The following RPS6KA3 variants were observed in gnomAD, a reference collection of about 807,000 sequenced individuals.
RPS6KA3 encodes the protein ribosomal protein S6 kinase A3.
RPS6KA3 carries 4 observed loss-of-function variants against 67.2 expected under a neutral mutation model. The observed-to-expected ratio is 0.06, with a 90% CI of 0.03 to 0.14. RPS6KA3 has a LOEUF of 0.14. RPS6KA3 is among the 10% of genes least tolerant of loss of function. RPS6KA3 has a pLI of 1.00. For synonymous variants in RPS6KA3, 182 were observed against 183.7 expected (o/e 0.99, Z 0.07); for missense variants, 204 against 559.0 (o/e 0.36, Z 6.40).
At chrX:20,221,171 C>A (rs1478434506) in intron 2 of RPS6KA3, among the ~76,000 whole-genome samples, 4 of 111,318 alleles carry the variant, frequency 3.6e-5, no homozygotes, top group African/African-American at 6.5e-5. Flanking sequence ...AGATTAATAC[C>A]AAATATCACA....
At chrX:20,243,261 C>A (rs991022286) in intron 1 of RPS6KA3, among the ~76,000 whole-genome samples, 3 of 111,361 alleles carry the variant, frequency 2.7e-5, no homozygotes. Context: ...TGCTTCTTAA[C>A]CACTCTGTGA....
chrX:20,266,364 AAGG>A (rs1371919800), intron 1 of RPS6KA3, among the ~76,000 whole-genome samples, 197 bp downstream of exon 1: 1 of 111,413 alleles, frequency 9.0e-6, no homozygotes, highest in African/African-American at 3.3e-5. Flanking sequence ...CGAGCGAGGG[AAGG>A]AGGTGAGGGT....
At chrX:20,238,436 A>G (rs1396352051) in intron 1 of RPS6KA3, among the ~76,000 whole-genome samples, 3 of 111,267 alleles carry the variant, frequency 2.7e-5, no homozygotes, top group Non-Finnish European at 5.7e-5. Flanking sequence ...CTTTATTTAA[A>G]ATTTTTGATT....
chrX:20,234,863 A>C, intron 1 of RPS6KA3, 49 bp from the exon 2 acceptor site: 1 of 972,884 alleles, frequency 1.0e-6, no homozygotes, highest in Non-Finnish European at 1.5e-6. Flanking sequence ...ACCTCACATC[A>C]GTTAAAGTTA....
intron 10 of RPS6KA3, among the ~76,000 whole-genome samples, chrX:20,185,102 T>C (rs1053984417): frequency 7.2e-5 from 8 of 110,970 alleles, no homozygotes; most frequent in Non-Finnish European, 1.5e-4. Context: ...CCTGCTACCA[T>C]GCCCGAATAA....
At chrX:20,208,273 G>C (rs1490743585) in intron 3 of RPS6KA3, among the ~76,000 whole-genome samples, 1 of 110,478 alleles carries the variant, frequency 9.1e-6, no homozygotes, top group Non-Finnish European at 1.9e-5. Flanking sequence ...ATGCTCACCC[G>C]GGGGTTGGGG....
chrX:20,200,985 A>T (rs1490181670), intron 4 of RPS6KA3, among the ~76,000 whole-genome samples: 1 of 110,501 alleles, frequency 9.0e-6, no homozygotes. Context: ...GCCTGGTCAC[A>T]ATTCCTCTAG....
chrX:20,216,689 A>C (rs1016116685), intron 2 of RPS6KA3, among the ~76,000 whole-genome samples: 1 of 110,802 alleles, frequency 9.0e-6, no homozygotes, highest in Admixed American at 9.6e-5. Context: ...CCTGGGGGAA[A>C]AGCATTCCTG....
At chrX:20,213,744 AG>A (rs1485338089) in intron 2 of RPS6KA3, among the ~76,000 whole-genome samples, 1 of 110,558 alleles carries the variant, frequency 9.0e-6, no homozygotes, top group Admixed American at 9.6e-5. Context: ...GAAAAAAAAA[AG>A]AAAATTAACA....
intron 9 of RPS6KA3, 140 bp from the exon 10 acceptor site, chrX:20,186,506 T>A (rs1246486481): frequency 4.5e-6 from 2 of 448,453 alleles, no homozygotes; most frequent in Admixed American, 7.5e-5. Context: ...TTTCTATTTC[T>A]ACCATATTCG....
intron 17 of RPS6KA3, 91 bp from the exon 18 acceptor site, chrX:20,165,151 A>T: frequency 2.9e-6 from 2 of 679,723 alleles, no homozygotes; most frequent in African/African-American, 2.1e-5. Context: ...AATGCACTTA[A>T]CAAGATGATG....
intron 2 of RPS6KA3, chrX:20,218,775 A>G: frequency 9.5e-7 from 1 of 1,048,720 alleles, no homozygotes; most frequent in South Asian, 2.0e-5. Context: ...ATTTTATTCT[A>G]TAAAAGAAGC....
intron 1 of RPS6KA3, among the ~76,000 whole-genome samples, chrX:20,253,754 A>G (rs1337510280): frequency 8.9e-6 from 1 of 111,874 alleles, no homozygotes; most frequent in Admixed American, 9.5e-5. Flanking sequence ...ATCCAATTAC[A>G]TCTGCTTATA....
At chrX:20,253,720 A>G (rs2069952232) in intron 1 of RPS6KA3, among the ~76,000 whole-genome samples, 1 of 111,858 alleles carries the variant, frequency 8.9e-6, no homozygotes, top group Non-Finnish European at 1.9e-5. Context: ...CTGTAACATT[A>G]TAGGTCATAA....
rs1249694721 is a variant in RPS6KA3, at chrX:20,193,471, T to C, written c.593+16A>G. The C allele has an allele frequency of 4.4e-5, 41 of 924,095 alleles. No individual in the cohort carries two copies. The highest frequency in any genetic ancestry group is 5.8e-5 in the Non-Finnish European group (37 of 635,449). The allele number at this position is 924,095 out of a possible 1,213,427, so 76.2% of individuals were successfully genotyped here. A position where few individuals can be genotyped will look rare whatever the true frequency, so the allele number is the denominator to read the frequency against. On this transcript the variant is annotated intron_variant, in intron 7 of 21. Transcript: ENST00000379565. ...TCATATTACATTGTATTCAACTTAG[T>C]AGCATGATTCCTTACTTTTCTGGTT...
chrX:20,262,386 A>G (rs2070256570), intron 1 of RPS6KA3, among the ~76,000 whole-genome samples: 1 of 112,150 alleles, frequency 8.9e-6, no homozygotes, highest in Non-Finnish European at 1.9e-5. Flanking sequence ...ACACAGTCCA[A>G]TTATGCCACC....
At chrX:20,198,176 C>CATGGAAATGACAATA (rs1289178079) in intron 4 of RPS6KA3, among the ~76,000 whole-genome samples, 1 of 111,705 alleles carries the variant, frequency 9.0e-6, no homozygotes, top group Admixed American at 9.5e-5. Context: ...TCCAAAACCC[C>CATGGAAATGACAATA]ATGGAAATGA....
At chrX:20,194,826 C>A (rs2068230195) in intron 5 of RPS6KA3, among the ~76,000 whole-genome samples, 1 of 110,571 alleles carries the variant, frequency 9.0e-6, no homozygotes, top group Non-Finnish European at 1.9e-5. Context: ...TTATCATTAC[C>A]TGTTCCTATG....
chrX:20,218,126 C>T (rs2068901735), intron 2 of RPS6KA3, among the ~76,000 whole-genome samples: 3 of 112,156 alleles, frequency 2.7e-5, no homozygotes, highest in African/African-American at 9.7e-5. Flanking sequence ...AAATTTAATT[C>T]TCTTTAAAGA....
Sources: gnomAD v4.1 joint callset for allele counts (sites outside exome capture counted in the v4.1 genomes callset) on GRCh38, gnomAD v4.1.1 for gene constraint, MANE v1.5 for transcripts, NCBI Gene and HGNC (gene_info 2026-07-23, HGNC 2026-07-21) for gene names.